AGBL4: variants seen among roughly 807,000 people sequenced by gnomAD.
AGBL4 encodes cytosolic carboxypeptidase 6.
AGBL4 carries 58 observed loss-of-function variants against 66.4 expected under a neutral mutation model. That is an observed-to-expected ratio of 0.87 (90% confidence interval 0.71 to 1.09). The LOEUF is 1.09. Among genes scored for constraint, AGBL4 ranks in the 50% least tolerant of loss-of-function variants. The pLI, the probability that AGBL4 is intolerant of heterozygous loss-of-function variation, is 0.00. For synonymous variants in AGBL4, 234 were observed against 222.9 expected (o/e 1.05, Z -0.44); for missense variants, 579 against 631.0 (o/e 0.92, Z 0.88).
intron 1 of AGBL4, among the ~76,000 whole-genome samples, chr1:50,007,978 A>G (rs930926546): frequency 1.3e-5 from 2 of 151,062 alleles, no homozygotes; most frequent in Admixed American, 6.6e-5. Context: ...AGAGGATAAA[A>G]CAATTAGAAA....
intron 6 of AGBL4, among the ~76,000 whole-genome samples, chr1:48,712,575 A>AC (rs201645803): frequency 0.031 from 4,690 of 152,048 alleles, 94 homozygotes; most frequent in South Asian, 0.098. Flanking sequence ...TCAGCTCCTT[A>AC]CCCCCACAGT....
intron 11 of AGBL4, among the ~76,000 whole-genome samples, chr1:48,574,048 G>A (rs2148321039): frequency 6.6e-6 from 1 of 152,314 alleles, no homozygotes; most frequent in East Asian, 1.9e-4. Context: ...GACTATGCTT[G>A]CTTCATTCTA....
chr1:49,954,169 A>G (rs1656396601), intron 1 of AGBL4, among the ~76,000 whole-genome samples: 1 of 152,120 alleles, frequency 6.6e-6, no homozygotes, highest in South Asian at 2.1e-4. Context: ...TGCTGGGATT[A>G]TAGGTGTTAG....
intron 4 of AGBL4, among the ~76,000 whole-genome samples, chr1:49,130,643 T>C (rs1569738826): frequency 6.6e-6 from 1 of 152,106 alleles, no homozygotes; most frequent in Non-Finnish European, 1.5e-5. Context: ...GCATTATTTC[T>C]GAGGGCTCTG....
At chr1:49,209,722 T>C (rs1048959591) in intron 4 of AGBL4, among the ~76,000 whole-genome samples, 1 of 152,014 alleles carries the variant, frequency 6.6e-6, no homozygotes, top group Admixed American at 6.6e-5. Flanking sequence ...TGTTTACAAA[T>C]AAGACAATTA....
chr1:49,261,369 G>T (rs1047130119), intron 3 of AGBL4, among the ~76,000 whole-genome samples: 8 of 152,148 alleles, frequency 5.3e-5, no homozygotes, highest in Non-Finnish European at 1.0e-4. Flanking sequence ...AAGTCAAATT[G>T]TCCCTGTTTG....
chr1:49,938,333 C>G (rs1210399033), intron 1 of AGBL4, among the ~76,000 whole-genome samples: 1 of 152,158 alleles, frequency 6.6e-6, no homozygotes, highest in African/African-American at 2.4e-5. Context: ...ATAACAGGCT[C>G]TGAAATTGTG....
intron 9 of AGBL4, among the ~76,000 whole-genome samples, chr1:48,629,490 C>A (rs941011134): frequency 6.6e-6 from 1 of 152,148 alleles, no homozygotes; most frequent in Non-Finnish European, 1.5e-5. Flanking sequence ...AAACTGATAT[C>A]TTTACCACCA....
At position 48,709,464 on chromosome 1, in the gene AGBL4, G is replaced by T. The variant is rs1268411340; in HGVS notation, c.635-46223C>A. ...ACTAATCTAAATAGTTATTTGAGAGGCAGTGATATTTCTTTATAACTTTGG... is the reference window on the plus strand; with the variant it reads ...ACTAATCTAAATAGTTATTTGAGAGTCAGTGATATTTCTTTATAACTTTGG... On this transcript the variant is annotated intron_variant, in intron 6 of 13. Transcript: ENST00000371839. Among the ~76,000 whole-genome samples, 4 of 152,020 alleles carry T rather than the reference G, an allele frequency of 2.6e-5. No homozygotes were observed. The East Asian group carries it at 7.7e-4, about 29-fold the overall frequency.
intron 1 of AGBL4, among the ~76,000 whole-genome samples, chr1:49,944,219 G>A (rs899253874): frequency 1.3e-4 from 19 of 151,854 alleles, no homozygotes; most frequent in African/African-American, 2.9e-4. Flanking sequence ...TTTTGAAAGC[G>A]CCACCTCCTG....
intron 1 of AGBL4, among the ~76,000 whole-genome samples, chr1:50,001,860 A>C (rs996887833): frequency 3.9e-5 from 6 of 152,172 alleles, no homozygotes; most frequent in Non-Finnish European, 7.3e-5. Flanking sequence ...TATCTTCATG[A>C]GCCCAACAAA....
chr1:48,616,904 A>G lies in AGBL4; in HGVS notation c.951+17589T>C, dbSNP rs577646090. Among the ~76,000 whole-genome samples the G allele has an allele frequency of 3.3e-5, 5 of 152,240 alleles. No homozygotes were observed. The South Asian group carries it at 8.3e-4, about 25-fold the overall frequency. ...CTTTCCTCTTGTGGCATTTAGACAC[A>G]CCTCCAACGGCTGGTTTCTTTTCTG... On this transcript the variant is annotated intron_variant, in intron 9 of 13. Coordinates refer to ENST00000371839, the MANE Select transcript of AGBL4 (RefSeq NM_032785.4).
intron 3 of AGBL4, among the ~76,000 whole-genome samples, chr1:49,594,920 G>A (rs1267969460): frequency 6.6e-6 from 1 of 152,076 alleles, no homozygotes; most frequent in East Asian, 1.9e-4. Flanking sequence ...GGTATTTCTG[G>A]TTCTAGATCC....
At chr1:49,354,280 C>T (rs928647004) in intron 3 of AGBL4, among the ~76,000 whole-genome samples, 2 of 152,238 alleles carry the variant, frequency 1.3e-5, no homozygotes, top group African/African-American at 4.8e-5. Context: ...TTAGGGAACT[C>T]TCCTGTTCCA....
chr1:49,436,935 A>G (rs1645916766), intron 3 of AGBL4, among the ~76,000 whole-genome samples: 1 of 152,188 alleles, frequency 6.6e-6, no homozygotes. Context: ...AAAATTATTA[A>G]TCCAACCTAA....
chr1:49,186,295 C>A (rs1647015363), intron 4 of AGBL4, among the ~76,000 whole-genome samples: 1 of 152,152 alleles, frequency 6.6e-6, no homozygotes, highest in Non-Finnish European at 1.5e-5. Flanking sequence ...CAAGGCCAAT[C>A]TCAAATATGC....
intron 3 of AGBL4, among the ~76,000 whole-genome samples, chr1:49,563,381 T>A (rs1382148022): frequency 6.6e-6 from 1 of 152,136 alleles, no homozygotes; most frequent in East Asian, 1.9e-4. Context: ...ATCCCTGTCT[T>A]GTGCCAGTTT....
At chr1:48,607,461 T>A (rs1161908978) in intron 9 of AGBL4, among the ~76,000 whole-genome samples, 1 of 152,100 alleles carries the variant, frequency 6.6e-6, no homozygotes, top group African/African-American at 2.4e-5. Flanking sequence ...CTACTAAATA[T>A]ACAAAAATTA....
chr1:49,883,021 T>C (rs1165029534), intron 1 of AGBL4, among the ~76,000 whole-genome samples: 2 of 152,268 alleles, frequency 1.3e-5, no homozygotes, highest in Non-Finnish European at 2.9e-5. Context: ...AAATTTAACA[T>C]GGCTTTAATA....
Sources: gnomAD v4.1 joint callset for allele counts (sites outside exome capture counted in the v4.1 genomes callset) on GRCh38, gnomAD v4.1.1 for gene constraint, MANE v1.5 for transcripts, NCBI Gene and HGNC (gene_info 2026-07-23, HGNC 2026-07-21) for gene names.